ULK2: variants seen among roughly 807,000 people sequenced by gnomAD.
ULK2 encodes the protein unc-51 like autophagy activating kinase 2, also known as serine/threonine-protein kinase ULK2.
ULK2 carries 76 observed loss-of-function variants against 127.5 expected under a neutral mutation model. The observed-to-expected ratio is 0.60, with a 90% CI of 0.50 to 0.72. The LOEUF (loss-of-function observed/expected upper bound fraction) is 0.72. Ranked by LOEUF, ULK2 falls within the 30% of genes least tolerant of loss-of-function variation. The pLI, the probability that ULK2 is intolerant of heterozygous loss-of-function variation, is 0.00. For synonymous variants in ULK2, 452 were observed against 461.9 expected (o/e 0.98, Z 0.28); for missense variants, 1,144 against 1,295.9 (o/e 0.88, Z 1.80).
intron 5 of ULK2, 97 bp downstream of exon 5, chr17:19,849,272 A>G: frequency 1.9e-6 from 2 of 1,049,902 alleles, no homozygotes; most frequent in Non-Finnish European, 2.8e-6. Flanking sequence ...TTTCTATACA[A>G]GAGCAGAAAA....
At position 19,865,780 on chromosome 17, in the gene ULK2, A is replaced by T. The variant is rs1481764077; in HGVS notation, c.139T>A (p.Ser47Thr). 1 of 1,566,030 alleles carries T rather than the reference A, an allele frequency of 6.4e-7. No individual in the cohort carries two copies. Among genetic ancestry groups the T allele is most frequent in the Admixed American group, 1.8e-5 (1 of 56,604 alleles). The change falls in exon 2 of 27, where the codon TCA becomes ACA. Residue 47 changes from serine (S) to threonine (T), a missense_variant. By Grantham distance (58) the Ser-to-Thr change is moderately conservative (BLOSUM62 1). Coordinates refer to ENST00000395544, the MANE Select transcript of ULK2 (RefSeq NM_014683.4). ...AIKSINKKNL[S>T]KSQILLGKEI... ...TTTCCAAGCAGTATTTGTGATTTTG[A>T]CAAGTTCTTTTTATTAATACTTTTA...
intron 23 of ULK2, 117 bp downstream of exon 23, chr17:19,781,772 G>T: frequency 8.5e-7 from 1 of 1,175,806 alleles, no homozygotes; most frequent in Non-Finnish European, 1.2e-6. Context: ...AAATAATTGA[G>T]ACTCCTAGCT....
intron 10 of ULK2, among the ~76,000 whole-genome samples, chr17:19,833,954 C>T (rs896797504): frequency 2.6e-5 from 4 of 152,024 alleles, no homozygotes; most frequent in Admixed American, 2.6e-4. Context: ...ATTTATATAT[C>T]CAAAAAGATC....
At chr17:19,831,447 A>G (rs979259646) in intron 10 of ULK2, among the ~76,000 whole-genome samples, 3 of 152,228 alleles carry the variant, frequency 2.0e-5, no homozygotes, top group Non-Finnish European at 4.4e-5. Flanking sequence ...AATGAAAATG[A>G]AAACACAACA....
intron 14 of ULK2, among the ~76,000 whole-genome samples, chr17:19,807,675 A>T (rs1241259759): frequency 6.6e-6 from 1 of 152,110 alleles, no homozygotes; most frequent in Non-Finnish European, 1.5e-5. Context: ...AAGGCAGCAC[A>T]TCAAAAGAAG....
At chr17:19,859,438 G>T (rs1323670311) in intron 3 of ULK2, among the ~76,000 whole-genome samples, 2 of 152,208 alleles carry the variant, frequency 1.3e-5, no homozygotes, top group African/African-American at 4.8e-5. Flanking sequence ...AGAATCACTT[G>T]AACTCAGGAG....
intron 15 of ULK2, among the ~76,000 whole-genome samples, chr17:19,803,535 T>C (rs991727157): frequency 3.9e-5 from 6 of 152,258 alleles, no homozygotes; most frequent in African/African-American, 1.2e-4. Flanking sequence ...TTTGACCTCA[T>C]GGACCCTCTG....
intron 7 of ULK2, among the ~76,000 whole-genome samples, chr17:19,843,424 C>T (rs1035022638): frequency 1.3e-5 from 2 of 151,926 alleles, no homozygotes; most frequent in Admixed American, 1.3e-4. Flanking sequence ...ATCTCAAAAT[C>T]AATGTTGCAT....
intron 9 of ULK2, among the ~76,000 whole-genome samples, chr17:19,840,730 A>C (rs1338447481): frequency 6.6e-6 from 1 of 151,266 alleles, no homozygotes; most frequent in East Asian, 1.9e-4. Flanking sequence ...AAAAAAAAAA[A>C]ATACAAAAAT....
intron 13 of ULK2, 174 bp downstream of exon 13, chr17:19,816,575 T>C (rs141154977): frequency 2.7e-4 from 140 of 517,998 alleles, no homozygotes; most frequent in Non-Finnish European, 3.8e-4. Flanking sequence ...TAATAGAAGA[T>C]GATTGAGCAA....
At chr17:19,820,357 C>A (rs2041109005) in intron 12 of ULK2, among the ~76,000 whole-genome samples, 1 of 152,106 alleles carries the variant, frequency 6.6e-6, no homozygotes. Context: ...TAGCTCACTA[C>A]AACTTTTAAG....
At chr17:19,791,844 CAAAAAA>C (rs58434256) in intron 20 of ULK2, among the ~76,000 whole-genome samples, 11 of 48,218 alleles carry the variant, frequency 2.3e-4, no homozygotes, top group South Asian at 6.7e-4. Context: ...ACCCTGTTTA[CAAAAAA>C]AAAAAAAAAA....
chr17:19,855,071 G>C (rs926263581), intron 3 of ULK2, among the ~76,000 whole-genome samples: 2 of 140,208 alleles, frequency 1.4e-5, no homozygotes, highest in Non-Finnish European at 3.0e-5. Context: ...CTGTACTCCA[G>C]ACTTGGCAAA....
chr17:19,791,638 T>C (rs929928563), intron 20 of ULK2, among the ~76,000 whole-genome samples: 3 of 152,012 alleles, frequency 2.0e-5, no homozygotes, highest in Admixed American at 6.6e-5. Flanking sequence ...TGAGCCAAGA[T>C]TGCACTAATG....
intron 15 of ULK2, among the ~76,000 whole-genome samples, chr17:19,802,324 C>G (rs1398345073): frequency 6.6e-6 from 1 of 151,934 alleles, no homozygotes; most frequent in Admixed American, 6.6e-5. Context: ...ACTGAAGACC[C>G]CAGAGAGTTC....
intron 14 of ULK2, among the ~76,000 whole-genome samples, chr17:19,807,497 A>G (rs550312321): frequency 6.6e-6 from 1 of 152,322 alleles, no homozygotes; most frequent in East Asian, 1.9e-4. Flanking sequence ...AGGAATAGAT[A>G]TTATATTCCC....
intron 3 of ULK2, chr17:19,860,836 A>C (rs763330733): frequency 1.3e-5 from 2 of 151,946 alleles, no homozygotes; most frequent in Non-Finnish European, 2.9e-5. Flanking sequence ...ACACTTCTTA[A>C]ATTTGTTTTT....
intron 10 of ULK2, among the ~76,000 whole-genome samples, chr17:19,827,529 C>G (rs1356526031): frequency 1.3e-5 from 2 of 152,170 alleles, no homozygotes; most frequent in East Asian, 1.9e-4. Flanking sequence ...ACTACAAGAT[C>G]AGGGTTAATT....
intron 16 of ULK2, among the ~76,000 whole-genome samples, chr17:19,800,219 C>A (rs1482813589): frequency 6.6e-6 from 1 of 152,204 alleles, no homozygotes; most frequent in Non-Finnish European, 1.5e-5. Context: ...CCTGCTCCTC[C>A]CCTTCATTCT....
Sources: gnomAD v4.1 joint callset for allele counts (sites outside exome capture counted in the v4.1 genomes callset) on GRCh38, gnomAD v4.1.1 for gene constraint, MANE v1.5 for transcripts, NCBI Gene and HGNC (gene_info 2026-07-23, HGNC 2026-07-21) for gene names.